PTPRC: variants seen among roughly 807,000 people sequenced by gnomAD.
PTPRC encodes the protein protein tyrosine phosphatase receptor type C.
A neutral mutation model predicts 155.9 loss-of-function variants in PTPRC; 44 were observed. The observed-to-expected ratio is 0.28, with a 90% CI of 0.22 to 0.36. PTPRC has a LOEUF of 0.36. PTPRC is among the 10% of genes least tolerant of loss of function. PTPRC has a pLI of 1.00. For synonymous variants in PTPRC, 525 were observed against 533.1 expected (o/e 0.98, Z 0.21); for missense variants, 1,401 against 1,564.6 (o/e 0.90, Z 1.76).
intron 24 of PTPRC, 21 bp downstream of exon 24, chr1:198,742,047 A>C: frequency 1.2e-6 from 2 of 1,610,002 alleles, no homozygotes; most frequent in Non-Finnish European, 1.7e-6. Flanking sequence ...CGAACAAAAA[A>C]AAAAAACAAC....
chr1:198,660,138 C>T (rs933621323), intron 2 of PTPRC, among the ~76,000 whole-genome samples: 20 of 149,514 alleles, frequency 1.3e-4, no homozygotes, highest in Middle Eastern at 3.3e-3. Context: ...TTTTCAGTCT[C>T]TTCATATATA....
chr1:198,694,730 T>C (rs1385449834), intron 3 of PTPRC: 12 of 965,338 alleles, frequency 1.2e-5, no homozygotes, highest in African/African-American at 1.8e-5. Context: ...CTCCCTCCCT[T>C]CTTTCCTACT....
chr1:198,726,866 CTT>C (rs575567355), intron 15 of PTPRC, among the ~76,000 whole-genome samples: 2 of 138,062 alleles, frequency 1.4e-5, no homozygotes, highest in African/African-American at 2.6e-5. Context: ...CTTTTCTTTC[CTT>C]TTTTTTTTTT....
chr1:198,654,119 G>A (rs900117861), intron 2 of PTPRC, among the ~76,000 whole-genome samples: 2 of 151,616 alleles, frequency 1.3e-5, no homozygotes, highest in Non-Finnish European at 3.0e-5. Context: ...AATTTTCAGT[G>A]GCTTTATTTA....
intron 26 of PTPRC, among the ~76,000 whole-genome samples, chr1:198,745,313 G>A (rs1490571298): frequency 1.3e-5 from 2 of 151,790 alleles, no homozygotes; most frequent in African/African-American, 4.8e-5. Flanking sequence ...GATCACAGAT[G>A]GAAGCTGTGA....
chr1:198,724,855 G>T (rs1481642924), intron 15 of PTPRC, among the ~76,000 whole-genome samples: 3 of 152,112 alleles, frequency 2.0e-5, no homozygotes, highest in Non-Finnish European at 4.4e-5. Context: ...AGGCTGGAGT[G>T]CAGTGGCATA....
rs140243082 is a variant in PTPRC at position 198,704,454 on chromosome 1, T to A, written c.659-18T>A. ...AAAGCAAAATTTTAATAATTTACAT[T>A]TTTTTTCTCCATTACAGCTACTACT... is the stretch of plus-strand genomic sequence containing the variant. On this transcript the variant is annotated intron_variant, in intron 7 of 32. Transcript: ENST00000442510. 6 of 1,613,460 alleles carry A rather than the reference T, an allele frequency of 3.7e-6. No homozygotes were observed. The highest frequency in any genetic ancestry group is 5.1e-6 in the Non-Finnish European group (6 of 1,179,912).
chr1:198,719,470 T>G (rs111238212), intron 14 of PTPRC, among the ~76,000 whole-genome samples: 62 of 152,220 alleles, frequency 4.1e-4, no homozygotes, highest in African/African-American at 1.3e-3. Flanking sequence ...ATAATTCCCC[T>G]TTTTATTTTT....
At chr1:198,749,338 C>T in intron 27 of PTPRC, 78 bp from the exon 28 acceptor site, 6 of 1,411,746 alleles carry the variant, frequency 4.3e-6, no homozygotes, top group Non-Finnish European at 6.0e-6. Flanking sequence ...TTTTTAAATA[C>T]TTTCAAATTT....
intron 14 of PTPRC, among the ~76,000 whole-genome samples, chr1:198,719,407 T>C (rs1046297825): frequency 2.0e-5 from 3 of 152,152 alleles, no homozygotes; most frequent in Admixed American, 2.0e-4. Flanking sequence ...TGCGTAAAAA[T>C]GTTATCAGTT....
chr1:198,694,724 C>T, intron 3 of PTPRC: 1 of 969,006 alleles, frequency 1.0e-6, no homozygotes. Flanking sequence ...TCCTTCCTCC[C>T]TCCCTTCTTT....
At chr1:198,698,683 GTA>G (rs1282450446) in intron 4 of PTPRC, among the ~76,000 whole-genome samples, 1 of 151,448 alleles carries the variant, frequency 6.6e-6, no homozygotes, top group Non-Finnish European at 1.5e-5. Context: ...ATATAGATGG[GTA>G]TGTGTGTATA....
At chr1:198,699,435 A>G in intron 4 of PTPRC, 129 bp from the exon 5 acceptor site, 1 of 1,141,672 alleles carries the variant, frequency 8.8e-7, no homozygotes, top group Non-Finnish European at 1.3e-6. Context: ...TGACAGACAC[A>G]TTTTAACAGA....
At chr1:198,657,019 GTT>G (rs67858981) in intron 2 of PTPRC, among the ~76,000 whole-genome samples, 5 of 146,844 alleles carry the variant, frequency 3.4e-5, no homozygotes, top group Non-Finnish European at 7.5e-5. Context: ...GAATCAAGAG[GTT>G]TTTTTTTTAA....
chr1:198,671,951 A>C lies in PTPRC; in HGVS notation c.74-20396A>C, dbSNP rs973484487. Among the ~76,000 whole-genome samples the C allele has an allele frequency of 8.5e-5, 13 of 152,238 alleles. 1 individual carries two copies. The highest frequency in any genetic ancestry group is 2.6e-4 in the African/African-American group (11 of 41,542). On this transcript the variant is annotated intron_variant, in intron 2 of 32. Transcript: ENST00000442510. ...AGTCTCTGAGATTGTTATCATCCATATCTCTGCATTTTTCTTGCTAATGAG... is the reference window on the plus strand; with the variant it reads ...AGTCTCTGAGATTGTTATCATCCATCTCTCTGCATTTTTCTTGCTAATGAG...
intron 2 of PTPRC, among the ~76,000 whole-genome samples, chr1:198,653,100 C>G (rs576141108): frequency 1.9e-3 from 296 of 151,904 alleles, no homozygotes; most frequent in African/African-American, 6.9e-3. Context: ...CTATTAATAT[C>G]AATTTAACTG....
chr1:198,748,229 T>C, intron 27 of PTPRC, 30 bp downstream of exon 27: 1 of 1,579,738 alleles, frequency 6.3e-7, no homozygotes, highest in Non-Finnish European at 8.6e-7. Flanking sequence ...ATTTTTTGTA[T>C]CAGATAAAGT....
In PTPRC at chr1:198,666,157, G is replaced by A. The variant is rs569819596; in HGVS notation, c.74-26190G>A. Among the ~76,000 whole-genome samples the A allele has an allele frequency of 8.0e-5, 12 of 150,392 alleles. No homozygotes were observed. In the East Asian group the frequency reaches 1.2e-3, roughly 15 times the overall value. ...CTGAGGTGAAAAGATTGTTTGAGTCGAGGAAATGGATGCTGCAGTGAGCCA... is the reference window on the plus strand; with the variant it reads ...CTGAGGTGAAAAGATTGTTTGAGTCAAGGAAATGGATGCTGCAGTGAGCCA... On this transcript the variant is annotated intron_variant, in intron 2 of 32. Coordinates refer to ENST00000442510, the MANE Select transcript of PTPRC (RefSeq NM_002838.5).
At chr1:198,710,573 T>C (rs572565587) in intron 11 of PTPRC, among the ~76,000 whole-genome samples, 11 of 152,348 alleles carry the variant, frequency 7.2e-5, no homozygotes, top group African/African-American at 2.6e-4. Flanking sequence ...ACACAAGATA[T>C]CTTTCCATTA....
Sources: gnomAD v4.1 joint callset for allele counts (sites outside exome capture counted in the v4.1 genomes callset) on GRCh38, gnomAD v4.1.1 for gene constraint, MANE v1.5 for transcripts, NCBI Gene and HGNC (gene_info 2026-07-23, HGNC 2026-07-21) for gene names.